Variants in ARHGAP42 observed in about 807,000 individuals in gnomAD.
The protein encoded by ARHGAP42 is Rho GTPase activating protein 42.
ARHGAP42 carries 63 observed loss-of-function variants against 125.0 expected under a neutral mutation model. That is an observed-to-expected ratio of 0.50 (90% CI 0.41 to 0.62). The LOEUF (loss-of-function observed/expected upper bound fraction) is 0.62. Among genes scored for constraint, ARHGAP42 ranks in the 20% least tolerant of loss-of-function variants. ARHGAP42 has a pLI of 0.00. For missense variants in ARHGAP42, 766 were observed against 1,024.2 expected, an observed-to-expected ratio of 0.75 and a Z score of 3.44; for synonymous variants, 339 against 351.0, an observed-to-expected ratio of 0.97 and a Z score of 0.38.
intron 1 of ARHGAP42, among the ~76,000 whole-genome samples, chr11:100,714,389 TTGTGTGTGTG>T (rs10609660): frequency 4.0e-4 from 60 of 149,778 alleles, no homozygotes; most frequent in African/African-American, 1.3e-3. Context: ...ACATAAAAAT[TTGTGTGTGTG>T]TGTGTGTGTG....
intron 3 of ARHGAP42, among the ~76,000 whole-genome samples, chr11:100,857,826 G>A (rs1374656816): frequency 6.6e-6 from 1 of 151,992 alleles, no homozygotes; most frequent in African/African-American, 2.4e-5. Flanking sequence ...CAATACTACA[G>A]AAACCCGTCC....
At chr11:100,747,211 A>G (rs1048070876) in intron 1 of ARHGAP42, among the ~76,000 whole-genome samples, 1 of 152,216 alleles carries the variant, frequency 6.6e-6, no homozygotes, top group Non-Finnish European at 1.5e-5. Flanking sequence ...GGACATCAAG[A>G]GTGGACTTTA....
At chr11:100,731,074 C>T (rs1346867648) in intron 1 of ARHGAP42, among the ~76,000 whole-genome samples, 1 of 151,714 alleles carries the variant, frequency 6.6e-6, no homozygotes, top group African/African-American at 2.4e-5. Flanking sequence ...TTTTACCTTT[C>T]AATGAAATGA....
At chr11:100,959,824 C>G in intron 12 of ARHGAP42, 59 bp from the exon 13 acceptor site, 1 of 1,480,400 alleles carries the variant, frequency 6.8e-7, no homozygotes, top group East Asian at 2.5e-5. Context: ...ACAGAGCCAA[C>G]TGAAGGGGGA....
chr11:100,750,936 CTTT>C (rs762255065), intron 1 of ARHGAP42, among the ~76,000 whole-genome samples: 9 of 126,820 alleles, frequency 7.1e-5, no homozygotes, highest in Admixed American at 1.6e-4. Flanking sequence ...TTGATGTATA[CTTT>C]TTTTTTTTTT....
intron 1 of ARHGAP42, among the ~76,000 whole-genome samples, chr11:100,766,421 C>T (rs1435753581): frequency 6.6e-6 from 1 of 152,114 alleles, no homozygotes; most frequent in South Asian, 2.1e-4. Context: ...TAACACTCAA[C>T]AACAAATTTT....
chr11:100,942,117 A>G (rs1867902430), intron 9 of ARHGAP42, among the ~76,000 whole-genome samples: 1 of 152,150 alleles, frequency 6.6e-6, no homozygotes, highest in Admixed American at 6.6e-5. Flanking sequence ...AAATGTAGGG[A>G]TCCTTCAGTA....
At chr11:100,948,596 A>G in intron 11 of ARHGAP42, 61 bp downstream of exon 11, 1 of 1,309,950 alleles carries the variant, frequency 7.6e-7, no homozygotes, top group Non-Finnish European at 1.1e-6. Flanking sequence ...TAATGTATGG[A>G]AATTCTTTTC....
chr11:100,890,648 G>A lies in ARHGAP42; in HGVS notation c.385-22804G>A, dbSNP rs548018329. Among the ~76,000 whole-genome samples the A allele has an allele frequency of 1.1e-3, 169 of 152,240 alleles. 3 individuals carry two copies. The highest frequency in any genetic ancestry group is 1.4e-3 in the Non-Finnish European group (92 of 68,022). ...TAGATATAACTTACTATTTCCAACA[G>A]TATTTATTTTCTTAAATTATAAGGC... On this transcript the variant is annotated intron_variant, in intron 4 of 23. Transcript: ENST00000298815.
intron 4 of ARHGAP42, among the ~76,000 whole-genome samples, chr11:100,866,068 C>T (rs770231193): frequency 8.5e-5 from 13 of 152,200 alleles, no homozygotes; most frequent in East Asian, 1.9e-4. Flanking sequence ...TGCCTTATCA[C>T]GTAAGTATAT....
At chr11:100,886,280 G>T (rs1481662208) in intron 4 of ARHGAP42, among the ~76,000 whole-genome samples, 1 of 152,082 alleles carries the variant, frequency 6.6e-6, no homozygotes, top group Non-Finnish European at 1.5e-5. Flanking sequence ...TCATCGATTT[G>T]TTTGAATCTA....
rs148476118 is a variant in ARHGAP42 at position 100,819,976 on chromosome 11, C to CTA, written c.312+24812_312+24813dup. Among the ~76,000 whole-genome samples the CTA allele has an allele frequency of 9.6e-3, 1,464 of 152,182 alleles. 18 individuals are homozygous for CTA. Among genetic ancestry groups the CTA allele is most frequent in the African/African-American group, 0.033 (1,390 of 41,530 alleles). ...TTTGCATATTAATTTTTGGAAATTT[C>CTA]TATGATTTCTCAAATTTTCATTTGA... On this transcript the variant is annotated intron_variant, in intron 3 of 23. Coordinates refer to ENST00000298815, the MANE Select transcript of ARHGAP42 (RefSeq NM_152432.4).
chr11:100,751,483 A>G (rs1214895165), intron 1 of ARHGAP42, among the ~76,000 whole-genome samples: 1 of 148,846 alleles, frequency 6.7e-6, no homozygotes, highest in Non-Finnish European at 1.5e-5. Context: ...TTTCTGCAGT[A>G]TTTTATTTGC....
intron 2 of ARHGAP42, among the ~76,000 whole-genome samples, chr11:100,790,321 C>A (rs771282339): frequency 1.6e-4 from 24 of 148,814 alleles, no homozygotes; most frequent in Non-Finnish European, 3.1e-4. Flanking sequence ...CAGCACCTGT[C>A]ATAAATAGAC....
chr11:100,830,220 G>A (rs12294970), intron 3 of ARHGAP42, among the ~76,000 whole-genome samples: 15,002 of 152,182 alleles, frequency 0.099, 1,091 homozygotes, highest in African/African-American at 0.21. Flanking sequence ...CAAGCTTGAC[G>A]AGACTTATAC....
intron 2 of ARHGAP42, among the ~76,000 whole-genome samples, chr11:100,792,752 CTTTTTTTT>C (rs3063409): frequency 0.52 from 73,159 of 141,554 alleles, 18,955 homozygotes; most frequent in South Asian, 0.65. Context: ...TTGGAATTTT[CTTTTTTTT>C]TTTTTTTTTT....
At chr11:100,911,691 A>G (rs957350024) in intron 4 of ARHGAP42, among the ~76,000 whole-genome samples, 9 of 152,172 alleles carry the variant, frequency 5.9e-5, no homozygotes, top group Non-Finnish European at 4.4e-5. Context: ...TCACCTGGGT[A>G]TCTACTCCAA....
chr11:100,872,124 C>A (rs1865711465), intron 4 of ARHGAP42, among the ~76,000 whole-genome samples: 1 of 152,136 alleles, frequency 6.6e-6, no homozygotes, highest in African/African-American at 2.4e-5. Flanking sequence ...TTTCAGTGTT[C>A]TTGTTGTAAT....
chr11:100,703,024 T>C (rs1026125818), intron 1 of ARHGAP42, among the ~76,000 whole-genome samples: 1 of 152,176 alleles, frequency 6.6e-6, no homozygotes, highest in African/African-American at 2.4e-5. Flanking sequence ...CTACTGAATA[T>C]CAACCAGTTT....
Sources: allele counts gnomAD v4.1 joint callset (sites outside exome capture counted in the v4.1 genomes callset), GRCh38; gene constraint gnomAD v4.1.1; transcripts MANE v1.5; gene names NCBI Gene and HGNC (gene_info 2026-07-23, HGNC 2026-07-21).